Variants in RGS6 observed in about 807,000 individuals in gnomAD.
The protein encoded by RGS6 is regulator of G-protein signaling 6.
A neutral mutation model predicts 78.5 loss-of-function variants in RGS6; 30 were observed. The ratio of observed to expected loss-of-function variants is 0.38; its 90% CI spans 0.29 to 0.52. The LOEUF (loss-of-function observed/expected upper bound fraction) is 0.52. Ranked by LOEUF, RGS6 falls within the 20% of genes least tolerant of loss-of-function variation. The pLI is 0.85. For missense variants in RGS6, 495 were observed against 609.7 expected (o/e 0.81, Z 1.98); for synonymous variants, 206 against 206.0 (o/e 1.00, Z 0.00).
intron 2 of RGS6, among the ~76,000 whole-genome samples, chr14:72,142,941 T>G (rs1410346293): frequency 1.3e-5 from 2 of 152,182 alleles, no homozygotes; most frequent in Non-Finnish European, 2.9e-5. Flanking sequence ...TTAGGAATCC[T>G]TCCTTCCCAT....
At chr14:72,214,591 C>T (rs976689009) in intron 2 of RGS6, among the ~76,000 whole-genome samples, 5 of 152,076 alleles carry the variant, frequency 3.3e-5, no homozygotes, top group African/African-American at 1.2e-4. Flanking sequence ...TTTAAAATTG[C>T]AATTGATAGT....
chr14:72,365,168 G>A (rs1028721141), intron 3 of RGS6, among the ~76,000 whole-genome samples: 3 of 152,114 alleles, frequency 2.0e-5, no homozygotes, highest in African/African-American at 7.2e-5. Flanking sequence ...ACTCTAAATG[G>A]AAAGTTTTAG....
rs2095247222 is a variant in RGS6, at chr14:71,997,466, A to G, written c.84+32591A>G. Among the ~76,000 whole-genome samples the G allele has an allele frequency of 2.6e-5, 4 of 152,260 alleles. 1 individual carries two copies. The East Asian group carries it at 5.8e-4, about 22-fold the overall frequency. ...GACATAGATAAAATTAAGAAGGCCT[A>G]TGAACTTCAGAAATTATATTAAAAT... is the stretch of plus-strand genomic sequence containing the variant. On this transcript the variant is annotated intron_variant, in intron 2 of 17. Coordinates refer to ENST00000553525, the MANE Select transcript of RGS6 (RefSeq NM_001204424.2).
At chr14:72,303,330 A>G (rs2066523170) in intron 2 of RGS6, among the ~76,000 whole-genome samples, 1 of 152,152 alleles carries the variant, frequency 6.6e-6, no homozygotes. Flanking sequence ...GTGAAACCCC[A>G]TCTCTACTAA....
chr14:72,162,815 T>C (rs2096871668), intron 2 of RGS6, among the ~76,000 whole-genome samples: 1 of 152,012 alleles, frequency 6.6e-6, no homozygotes, highest in African/African-American at 2.4e-5. Flanking sequence ...CACACACACA[T>C]ATATATACAT....
At chr14:72,612,792 A>C in the RGS6 span, among the ~76,000 whole-genome samples, 1 of 152,250 alleles carries the variant, frequency 6.6e-6, no homozygotes, top group African/African-American at 2.4e-5. Flanking sequence ...AACGAAGGGA[A>C]GAGAAGGAGA....
chr14:72,453,573 G>A (rs1271489265), intron 3 of RGS6, among the ~76,000 whole-genome samples: 3 of 119,758 alleles, frequency 2.5e-5, no homozygotes, highest in Non-Finnish European at 3.2e-5. Context: ...CCGAGATCCC[G>A]CCACTGCACT....
chr14:72,325,735 T>C (rs1160597896), intron 2 of RGS6, among the ~76,000 whole-genome samples: 1 of 151,946 alleles, frequency 6.6e-6, no homozygotes, highest in Non-Finnish European at 1.5e-5. Context: ...ATAATATAAA[T>C]AGGTACTTCC....
the RGS6 span, among the ~76,000 whole-genome samples, chr14:71,874,746 T>G: frequency 5.9e-5 from 9 of 152,310 alleles, no homozygotes; most frequent in African/African-American, 1.9e-4. Flanking sequence ...TGCTTCCAGT[T>G]TTTGCCCATT....
At chr14:72,551,766 C>G (rs1176419319) in intron 17 of RGS6, among the ~76,000 whole-genome samples, 1 of 152,210 alleles carries the variant, frequency 6.6e-6, no homozygotes, top group Non-Finnish European at 1.5e-5. Context: ...ACAAGAGCTG[C>G]CATTTATTGG....
At chr14:72,452,917 C>T (rs546559713) in intron 3 of RGS6, among the ~76,000 whole-genome samples, 1 of 152,288 alleles carries the variant, frequency 6.6e-6, no homozygotes, top group South Asian at 2.1e-4. Flanking sequence ...GAGAGGCAGA[C>T]AGAAGGGAAC....
Position 71,945,813 on chromosome 14 carries a change from A to C in RGS6, c.-21+12872A>C, listed in dbSNP as rs934678835. 3.3e-5 allele frequency among the ~76,000 whole-genome samples: 5 copies of C among 152,340 alleles called. No individual in the cohort carries two copies. In the South Asian group the frequency reaches 1.0e-3, roughly 32 times the overall value. ...TGTTGCCAAATTTTAATTCATTTAA[A>C]AATTATTAACCAATTTCAATTAGAA... On this transcript the variant is annotated intron_variant, in intron 1 of 17. Coordinates refer to ENST00000553525, the MANE Select transcript of RGS6 (RefSeq NM_001204424.2).
the RGS6 span, among the ~76,000 whole-genome samples, chr14:71,899,256 T>C: frequency 6.6e-6 from 1 of 152,226 alleles, no homozygotes; most frequent in Non-Finnish European, 1.5e-5. Flanking sequence ...AGAACTAGCT[T>C]GTATTTGCCG....
intron 2 of RGS6, among the ~76,000 whole-genome samples, chr14:72,099,491 A>G (rs2095483364): frequency 6.6e-6 from 1 of 152,158 alleles, no homozygotes; most frequent in African/African-American, 2.4e-5. Context: ...TCACACAGCC[A>G]GGAAGTAGAC....
chr14:72,616,345 T>C, the RGS6 span, among the ~76,000 whole-genome samples: 23,635 of 152,002 alleles, frequency 0.16, 2,513 homozygotes, highest in African/African-American at 0.3. Context: ...GTATCCTGAG[T>C]ACCTTCATTT....
chr14:72,552,889 G>A (rs933957692), intron 17 of RGS6: 3 of 152,134 alleles, frequency 2.0e-5, no homozygotes, highest in African/African-American at 7.2e-5. Context: ...GTATTTTAAG[G>A]TGAATGCTTT....
chr14:72,320,113 T>A (rs1204928997), intron 2 of RGS6, among the ~76,000 whole-genome samples: 1 of 152,176 alleles, frequency 6.6e-6, no homozygotes, highest in African/African-American at 2.4e-5. Context: ...AAGCCTTCCT[T>A]ACAGCAACAT....
chr14:72,278,406 T>C (rs7152907), intron 2 of RGS6, among the ~76,000 whole-genome samples: 92,737 of 151,964 alleles, frequency 0.61, 28,408 homozygotes, highest in Non-Finnish European at 0.64. Context: ...CTCACTTTGC[T>C]TTGGGCTTGC....
At chr14:72,068,498 ATTTT>A (rs11330539) in intron 2 of RGS6, among the ~76,000 whole-genome samples, 4 of 117,326 alleles carry the variant, frequency 3.4e-5, no homozygotes, top group African/African-American at 6.3e-5. Flanking sequence ...CACTCTTCCT[ATTTT>A]TTTTTTTTTT....
Sources: gnomAD v4.1 joint callset for allele counts (sites outside exome capture counted in the v4.1 genomes callset) on GRCh38, gnomAD v4.1.1 for gene constraint, MANE v1.5 for transcripts, NCBI Gene and HGNC (gene_info 2026-07-23, HGNC 2026-07-21) for gene names.